NUP210: variants seen among roughly 807,000 people sequenced by gnomAD.
NUP210 encodes nuclear pore membrane glycoprotein 210.
NUP210 carries 151 observed loss-of-function variants against 196.0 expected under a neutral mutation model. The observed-to-expected ratio is 0.77, with a 90% confidence interval of 0.67 to 0.88. The LOEUF (loss-of-function observed/expected upper bound fraction) is 0.88. NUP210 is among the 40% of genes least tolerant of loss of function. The probability of loss-of-function intolerance (pLI) is 0.00; values close to 1 mark genes in which losing one functional copy is unlikely to be tolerated. For missense variants in NUP210, 2,314 were observed against 2,493.7 expected (o/e 0.93, Z 1.53); for synonymous variants, 1,070 against 1,052.7 (o/e 1.02, Z -0.32).
intron 6 of NUP210, among the ~76,000 whole-genome samples, chr3:13,380,475 T>C (rs1699064457): frequency 6.6e-6 from 1 of 152,174 alleles, no homozygotes; most frequent in East Asian, 1.9e-4. Context: ...GATAGGGGAC[T>C]GAGGATATCA....
At chr3:13,328,381 C>T (rs1178549171) in intron 31 of NUP210, among the ~76,000 whole-genome samples, 1 of 152,238 alleles carries the variant, frequency 6.6e-6, no homozygotes, top group Non-Finnish European at 1.5e-5. Flanking sequence ...GACTCTAAAC[C>T]CCAGTTCTTT....
chr3:13,367,370 G>A (rs1698575399), intron 13 of NUP210, among the ~76,000 whole-genome samples: 1 of 152,182 alleles, frequency 6.6e-6, no homozygotes, highest in Non-Finnish European at 1.5e-5. Flanking sequence ...GGGAGGCGGA[G>A]GTTGCAGTGA....
intron 31 of NUP210, 151 bp downstream of exon 31, chr3:13,328,620 C>A: frequency 2.7e-6 from 2 of 730,698 alleles, no homozygotes; most frequent in Non-Finnish European, 4.6e-6. Flanking sequence ...TCCTCGTGGC[C>A]CTGCATGGTG....
chr3:13,325,013 C>T (rs1279266548), intron 33 of NUP210, among the ~76,000 whole-genome samples: 1 of 152,210 alleles, frequency 6.6e-6, no homozygotes, highest in Non-Finnish European at 1.5e-5. Context: ...TGGGATTTGA[C>T]CTAGACCGTC....
chr3:13,375,491 G>A lies in NUP210; in HGVS notation c.1431+13C>T. The A allele has an allele frequency of 6.2e-7, 1 of 1,611,510 alleles. No individual in the cohort carries two copies. The highest frequency in any genetic ancestry group is 8.5e-7 in the Non-Finnish European group (1 of 1,178,082). Reference sequence around the variant, plus strand: ...CCAAAGGAATGCACGCAGAGGTGAGGGGTCTCACGTACCCTTATTGTGTAC... The same window carrying A: ...CCAAAGGAATGCACGCAGAGGTGAGAGGTCTCACGTACCCTTATTGTGTAC... On this transcript the variant is annotated intron_variant, in intron 11 of 39. Coordinates refer to ENST00000254508, the MANE Select transcript of NUP210 (RefSeq NM_024923.4).
At chr3:13,390,978 T>C (rs1046078115) in intron 4 of NUP210, among the ~76,000 whole-genome samples, 2 of 152,214 alleles carry the variant, frequency 1.3e-5, no homozygotes, top group Admixed American at 1.3e-4. Flanking sequence ...CCCAAGCCTC[T>C]GACAGCTTCT....
chr3:13,398,847 T>C lies in NUP210; in HGVS notation c.304+878A>G, dbSNP rs888081198. Among the ~76,000 whole-genome samples, 37 of 152,276 alleles carry C rather than the reference T, an allele frequency of 2.4e-4. 3 individuals are homozygous for C. Among genetic ancestry groups the C allele is most frequent in the Admixed American group, 8.5e-4 (13 of 15,290 alleles). On this transcript the variant is annotated intron_variant, in intron 2 of 39. Transcript: ENST00000254508. ...TACTTGAGAGGCTGAGGCAGGAGGA[T>C]TGCTTGAGTCCAGGAGGTTGAGGCT...
At chr3:13,360,635 C>A in intron 14 of NUP210, 144 bp from the exon 15 acceptor site, 1 of 622,894 alleles carries the variant, frequency 1.6e-6, no homozygotes, top group African/African-American at 1.8e-5. Context: ...TCATTCTCGT[C>A]ATCTGCAGCA....
At chr3:13,388,571 G>T (rs1419194740) in intron 4 of NUP210, 118 bp from the exon 5 acceptor site, 3 of 1,101,090 alleles carry the variant, frequency 2.7e-6, no homozygotes, top group South Asian at 1.7e-5. Context: ...GAAATAAGGG[G>T]TGTCCCCCTA....
At chr3:13,333,137 T>G (rs763484741) in intron 28 of NUP210, among the ~76,000 whole-genome samples, 6 of 152,212 alleles carry the variant, frequency 3.9e-5, no homozygotes, top group Admixed American at 1.3e-4. Flanking sequence ...ATCAGCCTCA[T>G]GAGGTCGGCT....
chr3:13,348,815 C>T lies in NUP210; in HGVS notation c.2835+3064G>A. On this transcript the variant is annotated intron_variant, in intron 20 of 39. Coordinates refer to ENST00000254508, the MANE Select transcript of NUP210 (RefSeq NM_024923.4). The surrounding 1 kb of genome is among the most constrained non-coding windows in gnomAD (Gnocchi z 4.0). ...AGGCACGGCGCTGAGAAAACATCCTCTTTGCAAGACAGCTGGAGACCAACA... is the reference window on the plus strand; with the variant it reads ...AGGCACGGCGCTGAGAAAACATCCTTTTTGCAAGACAGCTGGAGACCAACA... 1 of 985,454 alleles carries T rather than the reference C, an allele frequency of 1.0e-6. No individual in the cohort carries two copies. The allele number at this position is 985,454 out of a possible 1,614,324, so 61.0% of individuals were successfully genotyped here. A position where few individuals can be genotyped will look rare whatever the true frequency, so the allele number is the denominator to read the frequency against.
rs1376627667 is a variant in NUP210, at chr3:13,386,480, A to C, written c.685-73T>G. On this transcript the variant is annotated intron_variant, in intron 5 of 39. Transcript: ENST00000254508. Reference sequence around the variant, plus strand: ...GGGAAGTGGTGGTGTGAGCAAGAGAAAGAGATGTTTTAAACATGGGAATAG... The same window carrying C: ...GGGAAGTGGTGGTGTGAGCAAGAGACAGAGATGTTTTAAACATGGGAATAG... 5 of 1,560,432 alleles carry C rather than the reference A, an allele frequency of 3.2e-6. No homozygotes were observed. The African/African-American group carries it at 5.4e-5, about 17-fold the overall frequency.
At position 13,400,885 on chromosome 3, in the gene NUP210, C is replaced by G. The variant is rs916708991; in HGVS notation, c.168-1024G>C. Among the ~76,000 whole-genome samples, 12 of 152,142 alleles carry G rather than the reference C, an allele frequency of 7.9e-5. No individual in the cohort carries two copies. In the East Asian group the frequency reaches 2.3e-3, roughly 29 times the overall value. On this transcript the variant is annotated intron_variant, in intron 1 of 39. Coordinates refer to ENST00000254508, the MANE Select transcript of NUP210 (RefSeq NM_024923.4). ...TCCGGGGTCTCTGCATCCTCCCTAA[C>G]TTTGCCTAAACTCACTGGAACATCC...
intron 19 of NUP210, 39 bp from the exon 20 acceptor site, chr3:13,352,019 G>C: frequency 6.2e-7 from 1 of 1,602,902 alleles, no homozygotes; most frequent in Non-Finnish European, 8.5e-7. Flanking sequence ...GGCCGCATGT[G>C]GGAGGGCGAG....
At chr3:13,345,542 G>A (rs1197205423) in intron 20 of NUP210, among the ~76,000 whole-genome samples, 1 of 152,210 alleles carries the variant, frequency 6.6e-6, no homozygotes, top group Non-Finnish European at 1.5e-5. Context: ...AGCTGGCTGG[G>A]GGCACGGAGG....
intron 31 of NUP210, among the ~76,000 whole-genome samples, chr3:13,327,935 ACAGGGCAGGTG>A (rs1199868649): frequency 6.6e-6 from 1 of 152,236 alleles, no homozygotes; most frequent in Non-Finnish European, 1.5e-5. Context: ...GGCACCTGCC[ACAGGGCAGGTG>A]CTCAGTCAAT....
chr3:13,320,871 G>A (rs1328258517), intron 36 of NUP210, among the ~76,000 whole-genome samples: 2 of 142,810 alleles, frequency 1.4e-5, no homozygotes, highest in East Asian at 2.1e-4. Context: ...CAGCCTGGGC[G>A]ACAGAGCAAG....
rs1576405423 is a variant in NUP210, at chr3:13,384,044, C to T, written c.817+2231G>A. On this transcript the variant is annotated intron_variant, in intron 6 of 39. Transcript: ENST00000254508. ...ATGGCGCAATCTCGGCTCACTGCAA[C>T]CTCCACCTCCTGGGTTCAAGTGATT... 2.0e-5 allele frequency among the ~76,000 whole-genome samples: 3 copies of T among 152,320 alleles called. No homozygotes were observed. The South Asian group carries it at 6.2e-4, about 32-fold the overall frequency.
rs1172368949 is a variant in NUP210 at position 13,348,576 on chromosome 3, C to T, written c.2835+3303G>A. On this transcript the variant is annotated intron_variant, in intron 20 of 39. Coordinates refer to ENST00000254508, the MANE Select transcript of NUP210 (RefSeq NM_024923.4). The surrounding 1 kb of genome is among the most constrained non-coding windows in gnomAD (Gnocchi z 4.0). ...AGTCAGAATTAAGATGTAAGATTCT[C>T]TTCACTCGCATGGCTGGAGGAAGAG... The T allele has an allele frequency of 3.0e-6, 3 of 985,340 alleles. No individual in the cohort carries two copies. Among genetic ancestry groups the T allele is most frequent in the South Asian group, 4.7e-5 (1 of 21,294 alleles). The allele number at this position is 985,340 out of a possible 1,614,324, so 61.0% of individuals were successfully genotyped here.
Sources: gnomAD v4.1 joint callset for allele counts (sites outside exome capture counted in the v4.1 genomes callset) on GRCh38, gnomAD v4.1.1 for gene constraint, Gnocchi (gnomAD v3.1) non-coding constraint, MANE v1.5 for transcripts, NCBI Gene and HGNC (gene_info 2026-07-23, HGNC 2026-07-21) for gene names.